Variants in FIG4 observed in about 807,000 individuals in gnomAD.
The protein encoded by FIG4 is polyphosphoinositide phosphatase.
A neutral mutation model predicts 118.6 loss-of-function variants in FIG4; 112 were observed. The ratio of observed to expected loss-of-function variants is 0.94; its 90% CI spans 0.81 to 1.11. FIG4 has a LOEUF of 1.11. Ranked by LOEUF, FIG4 falls within the 50% of genes least tolerant of loss-of-function variation. The pLI is 0.00. For missense variants in FIG4, 969 were observed against 1,111.7 expected, an observed-to-expected ratio of 0.87 and a Z score of 1.83; for synonymous variants, 369 against 381.2, an observed-to-expected ratio of 0.97 and a Z score of 0.37.
rs146488614 is a variant in FIG4, at chr6:109,765,103, C to T, written c.1525C>T (p.Leu509=). The T allele has an allele frequency of 9.3e-6, 15 of 1,613,672 alleles. No individual in the cohort carries two copies. The highest frequency in any genetic ancestry group is 1.2e-5 in the Non-Finnish European group (14 of 1,179,680). ...GGGAAAATGTGCTCTGGCCTATCAG[C>T]TGTATTCACTGGGACTGATTGACAA... ...MVGKCALAYQ[L]YSLGLIDKPN... Residue 509 remains leucine (L), a synonymous_variant, in exon 14 of 23, where the codon CTG becomes TTG. Coordinates refer to ENST00000230124, the MANE Select transcript of FIG4 (RefSeq NM_014845.6).
intron 16 of FIG4, 34 bp downstream of exon 16, chr6:109,777,094 C>T (rs777512568): frequency 1.8e-5 from 28 of 1,577,946 alleles, no homozygotes; most frequent in East Asian, 6.7e-5. Context: ...TATAAACTCC[C>T]ATTTGGTGTT....
intron 3 of FIG4, among the ~76,000 whole-genome samples, chr6:109,725,690 A>G (rs1416652555): frequency 6.6e-6 from 1 of 152,186 alleles, no homozygotes; most frequent in Non-Finnish European, 1.5e-5. Flanking sequence ...ACTGTCTTCC[A>G]CAATGGTTGA....
chr6:109,758,099 A>T (rs1358827007), intron 10 of FIG4, among the ~76,000 whole-genome samples: 1 of 152,152 alleles, frequency 6.6e-6, no homozygotes, highest in East Asian at 1.9e-4. Context: ...TCACAGAATT[A>T]GAAAAAACTT....
At chr6:109,769,792 A>G (rs1777402382) in intron 15 of FIG4, among the ~76,000 whole-genome samples, 1 of 152,084 alleles carries the variant, frequency 6.6e-6, no homozygotes, top group Non-Finnish European at 1.5e-5. Flanking sequence ...GGTAGTGCAC[A>G]CCTGTAGTCC....
At chr6:109,699,051 A>G (rs913089278) in intron 1 of FIG4, among the ~76,000 whole-genome samples, 16 of 152,126 alleles carry the variant, frequency 1.1e-4, no homozygotes, top group African/African-American at 3.4e-4. Flanking sequence ...TATTGCTTCT[A>G]TTTTTCAATG....
intron 2 of FIG4, 21 bp from the exon 3 acceptor site, chr6:109,716,424 A>G: frequency 6.2e-7 from 1 of 1,612,150 alleles, no homozygotes; most frequent in Non-Finnish European, 8.5e-7. Flanking sequence ...AACCTTACAG[A>G]GTAAATGTGC....
chr6:109,739,817 ATTAT>A (rs1487300766), intron 7 of FIG4, among the ~76,000 whole-genome samples: 2 of 152,138 alleles, frequency 1.3e-5, no homozygotes, highest in Non-Finnish European at 2.9e-5. Context: ...GTGACTGACC[ATTAT>A]TATGCTTTCT....
intron 16 of FIG4, among the ~76,000 whole-genome samples, chr6:109,780,104 A>G (rs1472014972): frequency 6.6e-6 from 1 of 152,216 alleles, no homozygotes; most frequent in Non-Finnish European, 1.5e-5. Flanking sequence ...CTGTTTCCAC[A>G]TCATTAAAAC....
chr6:109,772,139 C>T (rs1173472792), intron 15 of FIG4, among the ~76,000 whole-genome samples: 1 of 152,276 alleles, frequency 6.6e-6, no homozygotes, highest in African/African-American at 2.4e-5. Flanking sequence ...TCTTCTGACT[C>T]CATCTTACTC....
intron 5 of FIG4, 118 bp from the exon 6 acceptor site, chr6:109,735,032 A>G: frequency 1.2e-6 from 1 of 857,240 alleles, no homozygotes. Flanking sequence ...CATTGCTTCC[A>G]AATAAAGTAA....
At chr6:109,770,662 G>C (rs768766874) in intron 15 of FIG4, among the ~76,000 whole-genome samples, 1 of 152,194 alleles carries the variant, frequency 6.6e-6, no homozygotes, top group African/African-American at 2.4e-5. Flanking sequence ...GGCAGAAGAA[G>C]GGGGAGCAGG....
At chr6:109,783,453 G>A (rs1226731110) in intron 16 of FIG4, among the ~76,000 whole-genome samples, 1 of 152,096 alleles carries the variant, frequency 6.6e-6, no homozygotes, top group Non-Finnish European at 1.5e-5. Flanking sequence ...CTTCTGGGTT[G>A]TACACAGTTC....
At position 109,741,546 on chromosome 6, in the gene FIG4, TAAGATGACA is replaced by T; in HGVS notation, c.876+5_876+13del. 1 of 1,570,152 alleles carries T rather than the reference TAAGATGACA, an allele frequency of 6.4e-7. No individual in the cohort carries two copies. Among genetic ancestry groups the T allele is most frequent in the Non-Finnish European group, 8.8e-7 (1 of 1,140,092 alleles). On this transcript the variant is annotated splice_donor_5th_base_variant and intron_variant, in intron 8 of 22. Coordinates refer to ENST00000230124, the MANE Select transcript of FIG4 (RefSeq NM_014845.6). The stretch of plus-strand genomic sequence containing the variant: ...CTTAAAAGAGGTGCAAACTGTGAGG[TAAGATGACA>T]AACAGTATCTTCACTGACCTTTTAA...
At chr6:109,724,272 TC>T (rs1775714498) in intron 3 of FIG4, among the ~76,000 whole-genome samples, 1 of 152,128 alleles carries the variant, frequency 6.6e-6, no homozygotes, top group South Asian at 2.1e-4. Flanking sequence ...GCCACTCCTC[TC>T]CCCCCTGGGA....
Position 109,792,511 on chromosome 6 carries a change from T to G in FIG4, c.2377-71T>G, listed in dbSNP as rs186543204. 5,288 of 904,044 alleles carry G rather than the reference T, an allele frequency of 5.8e-3. 40 individuals carry two copies. The highest frequency in any genetic ancestry group is 6.1e-3 in the Non-Finnish European group (3,407 of 556,262). The allele number at this position is 904,044 out of a possible 1,614,324, so 56.0% of individuals were successfully genotyped here. A position where few individuals can be genotyped will look rare whatever the true frequency, so the allele number is the denominator to read the frequency against. The stretch of plus-strand genomic sequence containing the variant: ...GGAAAAATTCACAGTTTCATTTTTT[T>G]GGGGAAATTATTGATATGCTATATG... On this transcript the variant is annotated intron_variant, in intron 20 of 22. Coordinates refer to ENST00000230124, the MANE Select transcript of FIG4 (RefSeq NM_014845.6).
intron 10 of FIG4, among the ~76,000 whole-genome samples, chr6:109,754,878 A>G (rs2128389666): frequency 6.6e-6 from 1 of 152,202 alleles, no homozygotes; most frequent in South Asian, 2.1e-4. Context: ...GATCCTTTCA[A>G]AAAACCAGCT....
rs566155817 is a variant in FIG4 at position 109,735,829 on chromosome 6, C to G, written c.646+531C>G. Among the ~76,000 whole-genome samples, 3 of 152,102 alleles carry G rather than the reference C, an allele frequency of 2.0e-5. No homozygotes were observed. The South Asian group carries it at 6.2e-4, about 32-fold the overall frequency. On this transcript the variant is annotated intron_variant, in intron 6 of 22. Transcript: ENST00000230124. ...GAAATGGAGGCCTGGAAATGAAGATCATACAGCCATGTCAGGGAATCAATG... is the reference window on the plus strand; with the variant it reads ...GAAATGGAGGCCTGGAAATGAAGATGATACAGCCATGTCAGGGAATCAATG...
At chr6:109,705,288 G>A (rs1775029455) in intron 1 of FIG4, among the ~76,000 whole-genome samples, 1 of 152,174 alleles carries the variant, frequency 6.6e-6, no homozygotes, top group Non-Finnish European at 1.5e-5. Context: ...GGCCTTTCTG[G>A]AAGTTACCTC....
chr6:109,750,537 G>A (rs1216965287), intron 10 of FIG4, among the ~76,000 whole-genome samples: 1 of 152,132 alleles, frequency 6.6e-6, no homozygotes, highest in East Asian at 1.9e-4. Context: ...GGAGGCTGAA[G>A]TTGGAGGATC....
Sources: allele counts gnomAD v4.1 joint callset (sites outside exome capture counted in the v4.1 genomes callset), GRCh38; gene constraint gnomAD v4.1.1; transcripts MANE v1.5; gene names NCBI Gene and HGNC (gene_info 2026-07-23, HGNC 2026-07-21).